Variants in ASXL1 observed in about 807,000 individuals in gnomAD.
The protein encoded by ASXL1 is polycomb group protein ASXL1.
A neutral mutation model predicts 89.1 loss-of-function variants in ASXL1; 65 were observed. The observed-to-expected ratio is 0.73, with a 90% CI of 0.60 to 0.90. ASXL1 has a LOEUF of 0.90. Ranked by LOEUF, ASXL1 falls within the 40% of genes least tolerant of loss-of-function variation. The probability of loss-of-function intolerance (pLI) is 0.00; values close to 1 mark genes in which losing one functional copy is unlikely to be tolerated. For synonymous variants in ASXL1, 739 were observed against 746.9 expected (o/e 0.99, Z 0.17); for missense variants, 1,786 against 1,942.9 (o/e 0.92, Z 1.52).
intron 4 of ASXL1, chr20:32,372,474 G>A (rs2048314160): frequency 7.3e-6 from 7 of 958,884 alleles, no homozygotes. Context: ...AACTCCTTGA[G>A]AGCAGAGTCT....
At chr20:32,359,818 C>G (rs746926182) in intron 1 of ASXL1, 2 of 717,692 alleles carry the variant, frequency 2.8e-6, no homozygotes, top group African/African-American at 1.7e-5. Context: ...TTGGATTACT[C>G]CCACAAAGCT....
At chr20:32,432,688 G>T in intron 10 of ASXL1, 192 bp from the exon 11 acceptor site, 3 of 627,970 alleles carry the variant, frequency 4.8e-6, no homozygotes, top group Non-Finnish European at 8.1e-6. Flanking sequence ...CGATCAAGGA[G>T]TTGCTTGGTC....
chr20:32,403,492 G>GGAATTC (rs2048908936), intron 4 of ASXL1, among the ~76,000 whole-genome samples: 1 of 152,100 alleles, frequency 6.6e-6, no homozygotes, highest in South Asian at 2.1e-4. Flanking sequence ...ATAGTTCACT[G>GGAATTC]CTGCCTGGAA....
chr20:32,408,180 G>A lies in ASXL1; in HGVS notation c.253-19948G>A, dbSNP rs563862352. Among the ~76,000 whole-genome samples the A allele has an allele frequency of 1.4e-4, 21 of 151,924 alleles. No individual in the cohort carries two copies. The South Asian group carries it at 4.0e-3, about 29-fold the overall frequency. Reference sequence around the variant, plus strand: ...ACTCCTGACCTCAGGTGACCTGCCCGCTTCAGCCTCCCAAAGTTGCTGGGA... The same window carrying A: ...ACTCCTGACCTCAGGTGACCTGCCCACTTCAGCCTCCCAAAGTTGCTGGGA... On this transcript the variant is annotated intron_variant, in intron 4 of 12. Coordinates refer to ENST00000375687, the MANE Select transcript of ASXL1 (RefSeq NM_015338.6).
chr20:32,426,539 T>TTTTTG (rs2011293597), intron 4 of ASXL1, among the ~76,000 whole-genome samples: 1 of 106,116 alleles, frequency 9.4e-6, no homozygotes, highest in Non-Finnish European at 2.1e-5. Context: ...GAAAACTGTT[T>TTTTTG]TCTTTTTTTT....
chr20:32,406,690 G>A (rs2048961895), intron 4 of ASXL1, among the ~76,000 whole-genome samples: 2 of 152,140 alleles, frequency 1.3e-5, no homozygotes, highest in Admixed American at 1.3e-4. Context: ...CTCATCCCAT[G>A]GATGAGTTCA....
At chr20:32,367,533 A>T (rs1222032442) in intron 2 of ASXL1, among the ~76,000 whole-genome samples, 194 bp from the exon 3 acceptor site, 2 of 152,204 alleles carry the variant, frequency 1.3e-5, no homozygotes, top group African/African-American at 4.8e-5. Context: ...AAAGGCCTTC[A>T]CTTTCCAGTT....
chr20:32,393,043 A>G (rs1189255341), intron 4 of ASXL1, among the ~76,000 whole-genome samples: 3 of 66,176 alleles, frequency 4.5e-5, no homozygotes, highest in Admixed American at 3.5e-4. Context: ...TATCAGTTAT[A>G]GACAGAGGGT....
At chr20:32,361,997 A>G (rs189994736) in intron 1 of ASXL1, among the ~76,000 whole-genome samples, 119 of 152,256 alleles carry the variant, frequency 7.8e-4, no homozygotes, top group Non-Finnish European at 1.3e-3. Flanking sequence ...TGAACTCGGG[A>G]GGTGGAGGTT....
Position 32,439,244 on chromosome 20 carries a change from C to T in ASXL1, c.*1906C>T, listed in dbSNP as rs1173034055. 1.3e-5 allele frequency: 3 copies of T among 233,400 alleles called. No homozygotes were observed. The highest frequency in any genetic ancestry group is 1.8e-4 in the South Asian group (1 of 5,528). The allele number at this position is 233,400 out of a possible 1,614,324, so 14.5% of individuals were successfully genotyped here. The stretch of plus-strand genomic sequence containing the variant: ...GGTACAGTTTGACACTGATCTGGTC[C>T]ATGAGGCTGCCCAGAGAAAGCACTG... On this transcript the variant is annotated 3_prime_UTR_variant, in exon 13 of 13. Transcript: ENST00000375687.
In ASXL1 at chr20:32,437,204, A is replaced by G. The variant is rs762915264; in HGVS notation, c.4492A>G (p.Thr1498Ala). 6 of 1,613,694 alleles carry G rather than the reference A, an allele frequency of 3.7e-6. No homozygotes were observed. Among genetic ancestry groups the G allele is most frequent in the Non-Finnish European group, 5.1e-6 (6 of 1,179,576 alleles). ...CTTGCAAATGTTCACTGACAGCAGC[A>G]CGGTGGAAAGCATCTCGCTCCAGTG... is the stretch of plus-strand genomic sequence containing the variant. ...LSLQMFTDSS[T>A]VESISLQCAC... The change falls in exon 13 of 13, where the codon ACG (threonine) becomes GCG (alanine). Residue 1498 changes from threonine (T) to alanine (A), a missense_variant. This residue lies in a region of ASXL1 where 36 missense variants were observed against 65.5 expected (regional missense o/e 0.55). Transcript: ENST00000375687.
intron 4 of ASXL1, among the ~76,000 whole-genome samples, chr20:32,379,153 A>T (rs1441217775): frequency 7.7e-6 from 1 of 129,188 alleles, no homozygotes; most frequent in Non-Finnish European, 1.6e-5. Flanking sequence ...GTCAGGTATA[A>T]CTTCAGTCTT....
chr20:32,394,375 T>G (rs1187339846), intron 4 of ASXL1, among the ~76,000 whole-genome samples: 1 of 152,072 alleles, frequency 6.6e-6, no homozygotes, highest in Non-Finnish European at 1.5e-5. Flanking sequence ...TGACCTCAAG[T>G]GATCCCTGCC....
At chr20:32,372,800 G>A (rs1180527962) in intron 4 of ASXL1, among the ~76,000 whole-genome samples, 1 of 151,736 alleles carries the variant, frequency 6.6e-6, no homozygotes, top group Non-Finnish European at 1.5e-5. Context: ...TTACTATGTT[G>A]GCCAGGCTGG....
chr20:32,365,999 T>C (rs749617911), intron 1 of ASXL1, among the ~76,000 whole-genome samples: 9 of 152,124 alleles, frequency 5.9e-5, no homozygotes, highest in Non-Finnish European at 7.3e-5. Flanking sequence ...TATATATATA[T>C]ACTAATCAAA....
intron 4 of ASXL1, among the ~76,000 whole-genome samples, chr20:32,421,290 G>C (rs1416955983): frequency 6.8e-6 from 1 of 146,326 alleles, no homozygotes; most frequent in Non-Finnish European, 1.5e-5. Context: ...TTAGACATTA[G>C]GCAAATTAAA....
At chr20:32,387,060 G>C (rs1242740798) in intron 4 of ASXL1, among the ~76,000 whole-genome samples, 1 of 152,064 alleles carries the variant, frequency 6.6e-6, no homozygotes, top group Non-Finnish European at 1.5e-5. Context: ...TGCACTTTGT[G>C]AGGCTGAGGT....
chr20:32,366,552 G>A (rs1342915611), intron 2 of ASXL1, 86 bp downstream of exon 2: 104 of 1,605,696 alleles, frequency 6.5e-5, no homozygotes, highest in Non-Finnish European at 7.1e-5. Context: ...AAGTACACCT[G>A]TGTATGTATT....
intron 4 of ASXL1, among the ~76,000 whole-genome samples, chr20:32,384,073 G>A (rs1174468418): frequency 6.6e-6 from 1 of 151,952 alleles, no homozygotes; most frequent in Non-Finnish European, 1.5e-5. Flanking sequence ...TGAGGCATTT[G>A]GTATTTACTG....
Sources: allele counts gnomAD v4.1 joint callset (sites outside exome capture counted in the v4.1 genomes callset), GRCh38; gene constraint gnomAD v4.1.1; regional missense constraint gnomAD v4.1.1; transcripts MANE v1.5; gene names NCBI Gene and HGNC (gene_info 2026-07-23, HGNC 2026-07-21).